Variants in ST8SIA6 observed in about 807,000 individuals in gnomAD.
ST8SIA6 encodes alpha-2,8-sialyltransferase 8F.
ST8SIA6 carries 39 observed loss-of-function variants against 33.6 expected under a neutral mutation model. That is an observed-to-expected ratio of 1.16 (90% confidence interval 0.90 to 1.52). The LOEUF (loss-of-function observed/expected upper bound fraction) is 1.52, where lower values mean the gene tolerates loss of function less well. ST8SIA6 is among the 40% of genes most tolerant of loss of function. ST8SIA6 has a pLI of 0.00. For missense variants in ST8SIA6, 441 were observed against 443.8 expected, an observed-to-expected ratio of 0.99 and a Z score of 0.06; for synonymous variants, 172 against 167.2, an observed-to-expected ratio of 1.03 and a Z score of -0.22.
chr10:17,373,019 G>A (rs1417060014), intron 3 of ST8SIA6, among the ~76,000 whole-genome samples: 2 of 152,152 alleles, frequency 1.3e-5, no homozygotes, highest in African/African-American at 2.4e-5. Flanking sequence ...CAGATCGAGG[G>A]TACAGGGCAT....
intron 2 of ST8SIA6, among the ~76,000 whole-genome samples, chr10:17,422,150 A>G (rs188142755): frequency 7.2e-5 from 11 of 152,344 alleles, no homozygotes; most frequent in Admixed American, 5.2e-4. Flanking sequence ...AAGCCAATAG[A>G]AACAGTCTTT....
intron 4 of ST8SIA6, among the ~76,000 whole-genome samples, chr10:17,350,268 G>A (rs768246240): frequency 6.6e-6 from 1 of 152,214 alleles, no homozygotes; most frequent in Non-Finnish European, 1.5e-5. Flanking sequence ...CCAGGATTTG[G>A]CTGTGTCGTG....
At chr10:17,351,641 A>G (rs963007803) in intron 4 of ST8SIA6, among the ~76,000 whole-genome samples, 5 of 151,968 alleles carry the variant, frequency 3.3e-5, no homozygotes, top group Non-Finnish European at 7.4e-5. Flanking sequence ...AAGATGTAGA[A>G]TCAGCCTAAG....
rs568517377 is a variant in ST8SIA6 at position 17,382,067 on chromosome 10, T to A, written c.290+8464A>T. On this transcript the variant is annotated intron_variant, in intron 3 of 7. Transcript: ENST00000377602. ...ATTTTGCAATGGTGGTTTCATAACT[T>A]TAAATCATGACTATCACAGTTTTCA... Among the ~76,000 whole-genome samples the A allele has an allele frequency of 1.7e-4, 26 of 152,318 alleles. No individual in the cohort carries two copies. The South Asian group carries it at 5.2e-3, about 30-fold the overall frequency.
intron 2 of ST8SIA6, among the ~76,000 whole-genome samples, chr10:17,397,271 TC>T (rs759291232): frequency 8.0e-5 from 12 of 149,264 alleles, no homozygotes; most frequent in East Asian, 8.0e-4. Context: ...CTCACTCTTG[TC>T]CCCCAGGCTG....
chr10:17,405,244 G>A (rs1345200198), intron 2 of ST8SIA6, among the ~76,000 whole-genome samples: 1 of 151,954 alleles, frequency 6.6e-6, no homozygotes, highest in Non-Finnish European at 1.5e-5. Context: ...GGTAGTACCT[G>A]CCTGTAGTCC....
At chr10:17,430,818 C>A (rs1852080418) in intron 2 of ST8SIA6, among the ~76,000 whole-genome samples, 1 of 152,166 alleles carries the variant, frequency 6.6e-6, no homozygotes, top group Non-Finnish European at 1.5e-5. Flanking sequence ...CAAATATTTT[C>A]TCCCATTCTG....
chr10:17,384,946 G>A (rs1260253711), intron 3 of ST8SIA6, among the ~76,000 whole-genome samples: 1 of 151,968 alleles, frequency 6.6e-6, no homozygotes, highest in African/African-American at 2.4e-5. Context: ...ACCCATCTAG[G>A]AGTAAACCAT....
intron 4 of ST8SIA6, among the ~76,000 whole-genome samples, chr10:17,358,301 G>T (rs1246645034): frequency 6.6e-6 from 1 of 152,066 alleles, no homozygotes; most frequent in African/African-American, 2.4e-5. Context: ...AGCATATTCT[G>T]ACTAAAGAAG....
intron 1 of ST8SIA6, 88 bp from the exon 2 acceptor site, chr10:17,453,745 G>A: frequency 1.9e-6 from 2 of 1,052,038 alleles, no homozygotes; most frequent in Non-Finnish European, 2.5e-6. Context: ...TTGCCTGGCA[G>A]GGAGATCTCG....
chr10:17,423,387 T>A (rs1391818856), intron 2 of ST8SIA6, among the ~76,000 whole-genome samples: 1 of 152,204 alleles, frequency 6.6e-6, no homozygotes, highest in East Asian at 1.9e-4. Flanking sequence ...TAACTTAATA[T>A]TCCTGGGATT....
At position 17,323,168 on chromosome 10, in the gene ST8SIA6, A is replaced by C. The variant is rs1371016800; in HGVS notation, c.636-11T>G. 2.5e-6 allele frequency: 4 copies of C among 1,610,358 alleles called. No homozygotes were observed. The Admixed American group carries it at 6.7e-5, about 27-fold the overall frequency. On this transcript the variant is annotated splice_polypyrimidine_tract_variant and intron_variant, in intron 6 of 7. Coordinates refer to ENST00000377602, the MANE Select transcript of ST8SIA6 (RefSeq NM_001004470.3). ...GGGGGTAGGTTACACCTGAAATTTG[A>C]AAAGAAAATCATTTTCAAAATAGAA... is the stretch of plus-strand genomic sequence containing the variant.
intron 3 of ST8SIA6, among the ~76,000 whole-genome samples, chr10:17,366,219 T>A (rs1452175700): frequency 2.0e-5 from 3 of 152,222 alleles, no homozygotes; most frequent in Non-Finnish European, 4.4e-5. Flanking sequence ...TGCACGATGG[T>A]AACTTCTAAT....
chr10:17,441,014 G>C (rs750838112), intron 2 of ST8SIA6, among the ~76,000 whole-genome samples: 17 of 152,016 alleles, frequency 1.1e-4, no homozygotes, highest in Non-Finnish European at 2.1e-4. Context: ...GTCTTTTATT[G>C]GATGTATGAT....
chr10:17,395,009 T>C (rs1025706848), intron 2 of ST8SIA6, among the ~76,000 whole-genome samples: 3 of 152,206 alleles, frequency 2.0e-5, no homozygotes, highest in Non-Finnish European at 2.9e-5. Flanking sequence ...ATATCTCATC[T>C]TGAATTATAG....
At chr10:17,429,605 C>T (rs1852040613) in intron 2 of ST8SIA6, among the ~76,000 whole-genome samples, 2 of 152,074 alleles carry the variant, frequency 1.3e-5, no homozygotes, top group Admixed American at 1.3e-4. Context: ...ACCTCACCCT[C>T]CTGAGAATAC....
intron 2 of ST8SIA6, among the ~76,000 whole-genome samples, chr10:17,426,618 C>G (rs903048062): frequency 7.9e-5 from 12 of 152,184 alleles, no homozygotes; most frequent in Non-Finnish European, 1.6e-4. Context: ...AAGAAATGTT[C>G]AGGCTGGCAG....
intron 4 of ST8SIA6, among the ~76,000 whole-genome samples, chr10:17,336,639 G>A (rs1848508461): frequency 6.8e-6 from 1 of 148,014 alleles, no homozygotes; most frequent in Non-Finnish European, 1.5e-5. Context: ...CCTCACCCAG[G>A]CTGAAGTGCA....
chr10:17,428,526 G>A (rs1343203171), intron 2 of ST8SIA6, among the ~76,000 whole-genome samples: 1 of 152,078 alleles, frequency 6.6e-6, no homozygotes, highest in Non-Finnish European at 1.5e-5. Context: ...CCTATGTGGA[G>A]AAACACACAG....
Sources: gnomAD v4.1 joint callset for allele counts (sites outside exome capture counted in the v4.1 genomes callset) on GRCh38, gnomAD v4.1.1 for gene constraint, MANE v1.5 for transcripts, NCBI Gene and HGNC (gene_info 2026-07-23, HGNC 2026-07-21) for gene names.